The following HIVEP3 variants were observed in gnomAD, a reference collection of about 807,000 sequenced individuals.
HIVEP3 encodes transcription factor HIVEP3.
In HIVEP3, 49 loss-of-function variants were observed where a neutral mutation model predicts 152.8. The ratio of observed to expected loss-of-function variants is 0.32; its 90% CI spans 0.26 to 0.41. The LOEUF (loss-of-function observed/expected upper bound fraction) is 0.41, where lower values mean the gene tolerates loss of function less well. Among genes scored for constraint, HIVEP3 ranks in the 10% least tolerant of loss-of-function variants. The probability of loss-of-function intolerance (pLI) is 1.00; values close to 1 mark genes in which losing one functional copy is unlikely to be tolerated. For synonymous variants in HIVEP3, 1,269 were observed against 1,289.0 expected (o/e 0.98, Z 0.33); for missense variants, 2,790 against 3,103.3 (o/e 0.90, Z 2.40).
At chr1:41,628,661 T>G in intron 3 of HIVEP3, 88 bp downstream of exon 3, 10 of 995,778 alleles carry the variant, frequency 1.0e-5, no homozygotes, top group Non-Finnish European at 1.3e-5. Context: ...AATAATACAT[T>G]TTTCAGAGGA....
At chr1:41,574,155 C>A (rs1644291966) in intron 5 of HIVEP3, among the ~76,000 whole-genome samples, 1 of 152,096 alleles carries the variant, frequency 6.6e-6, no homozygotes, top group Admixed American at 6.5e-5. Context: ...CCCTCAGAGA[C>A]CACAGAGAAC....
chr1:41,724,702 G>A (rs1330843792), intron 1 of HIVEP3, among the ~76,000 whole-genome samples: 1 of 152,154 alleles, frequency 6.6e-6, no homozygotes, highest in Non-Finnish European at 1.5e-5. Context: ...AAACTGGGAG[G>A]TGTGAGCCCC....
At chr1:41,658,579 C>CA (rs942256355) in intron 2 of HIVEP3, among the ~76,000 whole-genome samples, 1 of 152,198 alleles carries the variant, frequency 6.6e-6, no homozygotes, top group South Asian at 2.1e-4. Flanking sequence ...CACTTCACCC[C>CA]CCCCATGAGC....
In HIVEP3 at chr1:41,915,589, G is replaced by A. The variant is rs142707561; in HGVS notation, c.-801+2824C>T. The stretch of plus-strand genomic sequence containing the variant: ...TCAAAATTCATAAACTGTAGCTCAT[G>A]GACTTATGACCTTTCTCTTGATTTG... On this transcript the variant is annotated intron_variant, in intron 1 of 8. Coordinates refer to ENST00000372583, the MANE Select transcript of HIVEP3 (RefSeq NM_024503.5). Among the ~76,000 whole-genome samples the A allele has an allele frequency of 7.6e-3, 1,156 of 152,284 alleles. 5 individuals are homozygous for A. The highest frequency in any genetic ancestry group is 0.014 in the Middle Eastern group (4 of 294).
intron 3 of HIVEP3, among the ~76,000 whole-genome samples, chr1:41,607,122 C>T (rs2149129322): frequency 1.3e-5 from 2 of 152,152 alleles, no homozygotes; most frequent in East Asian, 3.9e-4. Flanking sequence ...CAAGCCTGGC[C>T]GTGTGTATTT....
At chr1:41,631,691 G>C (rs1196220785) in intron 2 of HIVEP3, among the ~76,000 whole-genome samples, 1 of 152,070 alleles carries the variant, frequency 6.6e-6, no homozygotes, top group Admixed American at 6.5e-5. Flanking sequence ...CAGTGGAGAG[G>C]CTTGCTCTGT....
chr1:41,539,692 T>C (rs187957231), intron 5 of HIVEP3, among the ~76,000 whole-genome samples: 3 of 152,358 alleles, frequency 2.0e-5, no homozygotes, highest in South Asian at 4.1e-4. Flanking sequence ...GACCTCACAG[T>C]GACCAGGCCC....
intron 1 of HIVEP3, among the ~76,000 whole-genome samples, chr1:41,768,587 T>C (rs890795646): frequency 1.4e-4 from 22 of 152,272 alleles, no homozygotes; most frequent in African/African-American, 5.1e-4. Flanking sequence ...CTAGCTCCTT[T>C]GACGTATATA....
rs1316453099 is a variant in HIVEP3 at position 41,554,419 on chromosome 1, C to T, written c.5207+21125G>A. Among the ~76,000 whole-genome samples, 7 of 152,138 alleles carry T rather than the reference C, an allele frequency of 4.6e-5. No homozygotes were observed. In the East Asian group the frequency reaches 5.8e-4, roughly 13 times the overall value. Reference sequence around the variant, plus strand: ...TTTTTCAAGGTTTTTAGCTTCCTTGCGATGGGTTCGAACATTCTCCTTTAG... The same window carrying T: ...TTTTTCAAGGTTTTTAGCTTCCTTGTGATGGGTTCGAACATTCTCCTTTAG... On this transcript the variant is annotated intron_variant, in intron 5 of 8. Coordinates refer to ENST00000372583, the MANE Select transcript of HIVEP3 (RefSeq NM_024503.5).
At chr1:41,613,872 T>G (rs903535308) in intron 3 of HIVEP3, among the ~76,000 whole-genome samples, 2 of 152,230 alleles carry the variant, frequency 1.3e-5, no homozygotes, top group African/African-American at 4.8e-5. Context: ...CTCTATAAAT[T>G]TGCCTTATCT....
intron 2 of HIVEP3, among the ~76,000 whole-genome samples, chr1:41,665,585 G>A (rs1645782466): frequency 6.7e-6 from 1 of 150,016 alleles, no homozygotes; most frequent in African/African-American, 2.5e-5. Context: ...GAGAGGGGTG[G>A]AGTAGGGGCA....
chr1:41,854,032 C>T (rs977429080), intron 1 of HIVEP3, among the ~76,000 whole-genome samples: 1 of 152,146 alleles, frequency 6.6e-6, no homozygotes, highest in Non-Finnish European at 1.5e-5. Flanking sequence ...AACCATAGAG[C>T]CTTACTAAGT....
chr1:41,594,726 T>A (rs529163328), intron 3 of HIVEP3, among the ~76,000 whole-genome samples: 20 of 152,336 alleles, frequency 1.3e-4, no homozygotes, highest in African/African-American at 4.8e-4. Flanking sequence ...TTTTTTTGTT[T>A]CCATGTGGTT....
At chr1:42,000,526 A>G (rs1034202249) in intron 1 of HIVEP3, among the ~76,000 whole-genome samples, 1 of 152,174 alleles carries the variant, frequency 6.6e-6, no homozygotes, top group African/African-American at 2.4e-5. Flanking sequence ...GGAGGATGGG[A>G]GAGTATGCTC....
intron 1 of HIVEP3, among the ~76,000 whole-genome samples, chr1:41,834,317 G>A (rs983049056): frequency 6.6e-6 from 1 of 152,286 alleles, no homozygotes; most frequent in Middle Eastern, 3.4e-3. Flanking sequence ...AGGGGAAGGG[G>A]GAATATGTCC....
chr1:41,764,118 G>C (rs924407391), intron 1 of HIVEP3, among the ~76,000 whole-genome samples: 1 of 152,064 alleles, frequency 6.6e-6, no homozygotes, highest in African/African-American at 2.4e-5. Flanking sequence ...GGTGGGTTGG[G>C]GACAAATGAT....
intron 2 of HIVEP3, among the ~76,000 whole-genome samples, chr1:41,693,302 A>G (rs1309669467): frequency 6.6e-6 from 1 of 152,214 alleles, no homozygotes; most frequent in Non-Finnish European, 1.5e-5. Context: ...GTGACCCACT[A>G]AACAGTGCTC....
At chr1:41,851,340 G>T (rs1287081752) in intron 1 of HIVEP3, among the ~76,000 whole-genome samples, 2 of 104,718 alleles carry the variant, frequency 1.9e-5, no homozygotes, top group Non-Finnish European at 1.7e-5. Context: ...GTCTTGCTCT[G>T]TTGCCAGGCT....
intron 3 of HIVEP3, among the ~76,000 whole-genome samples, chr1:41,600,409 T>C (rs1231178025): frequency 6.6e-6 from 1 of 152,176 alleles, no homozygotes; most frequent in African/African-American, 2.4e-5. Context: ...TATTCCATTG[T>C]GTGTATGAAA....
Sources: allele counts gnomAD v4.1 joint callset (sites outside exome capture counted in the v4.1 genomes callset), GRCh38; gene constraint gnomAD v4.1.1; transcripts MANE v1.5; gene names NCBI Gene and HGNC (gene_info 2026-07-23, HGNC 2026-07-21).